Variants in DGKI observed in about 807,000 individuals in gnomAD.
DGKI encodes the protein DAG kinase iota.
DGKI carries 55 observed loss-of-function variants against 147.5 expected under a neutral mutation model. The observed-to-expected ratio is 0.37, with a 90% confidence interval of 0.30 to 0.47. The LOEUF is 0.47. DGKI is among the 20% of genes least tolerant of loss of function. The pLI, the probability that DGKI is intolerant of heterozygous loss-of-function variation, is 1.00. For synonymous variants in DGKI, 469 were observed against 477.1 expected, an observed-to-expected ratio of 0.98 and a Z score of 0.22; for missense variants, 1,007 against 1,323.8, an observed-to-expected ratio of 0.76 and a Z score of 3.71.
intron 1 of DGKI, among the ~76,000 whole-genome samples, chr7:137,730,118 C>T (rs1323424979): frequency 6.6e-6 from 1 of 152,134 alleles, no homozygotes; most frequent in Admixed American, 6.6e-5. Context: ...TTATCTCTGG[C>T]ATGGCATTCA....
chr7:137,574,948 T>C (rs901495123), intron 17 of DGKI, among the ~76,000 whole-genome samples: 1 of 152,210 alleles, frequency 6.6e-6, no homozygotes. Flanking sequence ...TGCTCTGTTG[T>C]TGGGGAGACA....
At chr7:137,498,205 A>C (rs1816041917) in intron 21 of DGKI, among the ~76,000 whole-genome samples, 1 of 151,832 alleles carries the variant, frequency 6.6e-6, no homozygotes, top group Non-Finnish European at 1.5e-5. Context: ...AGAAAAGTTA[A>C]AAGATAAAGT....
At chr7:137,677,713 TAAAC>T (rs1165160323) in intron 3 of DGKI, among the ~76,000 whole-genome samples, 1 of 152,208 alleles carries the variant, frequency 6.6e-6, no homozygotes, top group Non-Finnish European at 1.5e-5. Flanking sequence ...TTTCACATAA[TAAAC>T]AAATATTTTT....
At chr7:137,627,544 T>C (rs917954719) in intron 6 of DGKI, among the ~76,000 whole-genome samples, 3 of 152,122 alleles carry the variant, frequency 2.0e-5, no homozygotes, top group African/African-American at 7.2e-5. Context: ...ACAGCATCCT[T>C]CCAGGCAAAA....
At chr7:137,790,264 AC>A (rs1796811403) in intron 1 of DGKI, among the ~76,000 whole-genome samples, 2 of 151,478 alleles carry the variant, frequency 1.3e-5, no homozygotes, top group Non-Finnish European at 3.0e-5. Flanking sequence ...ACACACACAC[AC>A]ACACACTGGA....
chr7:137,606,579 C>T (rs575609646), intron 10 of DGKI, among the ~76,000 whole-genome samples: 16 of 152,332 alleles, frequency 1.1e-4, no homozygotes, highest in African/African-American at 3.8e-4. Flanking sequence ...GCAGAATCTG[C>T]ATTTTAGCAC....
chr7:137,406,720 T>C (rs1362341095), intron 30 of DGKI, among the ~76,000 whole-genome samples: 1 of 152,192 alleles, frequency 6.6e-6, no homozygotes, highest in African/African-American at 2.4e-5. Context: ...GGCTTTACCA[T>C]AGGACTTAAA....
chr7:137,561,366 G>A (rs1818413580), intron 19 of DGKI, among the ~76,000 whole-genome samples: 1 of 152,128 alleles, frequency 6.6e-6, no homozygotes, highest in South Asian at 2.1e-4. Context: ...GCTAGGAAAA[G>A]TTGATCTCAC....
In DGKI at chr7:137,444,491, C is replaced by G. The variant is rs184076504; in HGVS notation, c.2736-389G>C. ...GCATTAGATTGGGTGTCTGTAGATA[C>G]AAAGAGATCTACTTGAACAGTATAA... On this transcript the variant is annotated intron_variant, in intron 27 of 32. Transcript: ENST00000614521. Among the ~76,000 whole-genome samples, 24 of 152,282 alleles carry G rather than the reference C, an allele frequency of 1.6e-4. No individual in the cohort carries two copies. In the East Asian group the frequency reaches 4.4e-3, roughly 28 times the overall value.
At chr7:137,759,509 T>C (rs543988986) in intron 1 of DGKI, among the ~76,000 whole-genome samples, 2 of 152,140 alleles carry the variant, frequency 1.3e-5, no homozygotes, top group Admixed American at 1.3e-4. Context: ...GCCTGGCTAA[T>C]TTTTGTATTT....
rs1229476770 is a variant in DGKI at position 137,384,963 on chromosome 7, CAA to C, written c.*6255_*6256del. On this transcript the variant is annotated 3_prime_UTR_variant, in exon 33 of 33. Coordinates refer to ENST00000614521, the MANE Select transcript of DGKI (RefSeq NM_001321708.2). ...TGGTTGCCACGCTGGTGGCAGAAGC[CAA>C]AGAGTTTTCCATGATTGCCTTTCAT... 1 of 151,964 alleles carries C rather than the reference CAA, an allele frequency of 6.6e-6. No homozygotes were observed. The highest frequency in any genetic ancestry group is 2.4e-5 in the African/African-American group (1 of 41,374). The allele number at this position is 151,964 out of a possible 1,614,324, so 9.4% of individuals were successfully genotyped here.
intron 1 of DGKI, among the ~76,000 whole-genome samples, chr7:137,738,212 G>A (rs984884677): frequency 1.3e-5 from 2 of 152,146 alleles, no homozygotes; most frequent in Admixed American, 6.6e-5. Flanking sequence ...GTTAATCGGT[G>A]TAATGTAGAT....
At chr7:137,545,781 T>C in intron 20 of DGKI, 1 of 518,848 alleles carries the variant, frequency 1.9e-6, no homozygotes, top group South Asian at 3.1e-5. Flanking sequence ...AAAGCAATTC[T>C]GGTGAGGTGG....
At chr7:137,572,373 G>A (rs762536192) in intron 18 of DGKI, among the ~76,000 whole-genome samples, 5 of 152,096 alleles carry the variant, frequency 3.3e-5, no homozygotes, top group Admixed American at 1.3e-4. Flanking sequence ...AATGAATTCC[G>A]CACTTGAATC....
intron 28 of DGKI, among the ~76,000 whole-genome samples, chr7:137,442,823 CTA>C (rs1813561705): frequency 6.6e-6 from 1 of 152,144 alleles, no homozygotes; most frequent in Non-Finnish European, 1.5e-5. Context: ...TCGTTGGAAA[CTA>C]TATCAAAGAA....
At chr7:137,455,816 T>G (rs1235112720) in intron 27 of DGKI, among the ~76,000 whole-genome samples, 3 of 152,048 alleles carry the variant, frequency 2.0e-5, no homozygotes, top group Non-Finnish European at 2.9e-5. Context: ...CCATTTCCAG[T>G]GATAATATGA....
chr7:137,624,511 T>A lies in DGKI; in HGVS notation c.805-957A>T, dbSNP rs537358828. 4.6e-5 allele frequency among the ~76,000 whole-genome samples: 7 copies of A among 152,316 alleles called. No homozygotes were observed. The South Asian group carries it at 1.5e-3, about 32-fold the overall frequency. On this transcript the variant is annotated intron_variant, in intron 6 of 32. Coordinates refer to ENST00000614521, the MANE Select transcript of DGKI (RefSeq NM_001321708.2). ...TCAATTACCACATTATTAAATTATG[T>A]CCCAATGGCATTTTTCAGCGCCCAT...
intron 1 of DGKI, among the ~76,000 whole-genome samples, chr7:137,767,711 G>C (rs1180670495): frequency 2.0e-5 from 3 of 152,162 alleles, no homozygotes; most frequent in Non-Finnish European, 4.4e-5. Context: ...CGTTTACTTT[G>C]GTTTGAAGTC....
chr7:137,835,099 C>G (rs1045527216), intron 1 of DGKI, among the ~76,000 whole-genome samples: 1 of 152,148 alleles, frequency 6.6e-6, no homozygotes, highest in Non-Finnish European at 1.5e-5. Context: ...ACCATCCAAC[C>G]CCTTGGCTGC....
Sources: allele counts gnomAD v4.1 joint callset (sites outside exome capture counted in the v4.1 genomes callset), GRCh38; gene constraint gnomAD v4.1.1; transcripts MANE v1.5; gene names NCBI Gene and HGNC (gene_info 2026-07-23, HGNC 2026-07-21).